Variants in ZNF568 observed in about 807,000 individuals in gnomAD.
ZNF568 encodes the protein zinc finger protein 568.
ZNF568 carries 11 observed loss-of-function variants against 18.1 expected under a neutral mutation model. The observed-to-expected ratio is 0.61, with a 90% confidence interval of 0.38 to 1.00. ZNF568 has a LOEUF of 1.00. Ranked by LOEUF, ZNF568 falls within the 50% of genes least tolerant of loss-of-function variation. The pLI is 0.01. For synonymous variants in ZNF568, 213 were observed against 246.6 expected, an observed-to-expected ratio of 0.86 and a Z score of 1.28; for missense variants, 639 against 768.2, an observed-to-expected ratio of 0.83 and a Z score of 1.99.
intron 4 of ZNF568, among the ~76,000 whole-genome samples, chr19:36,930,036 C>T (rs2073658246): frequency 1.3e-5 from 2 of 151,456 alleles, no homozygotes. Context: ...GTTCGAACCC[C>T]TATGTTTCTT....
At chr19:36,926,324 T>C (rs1489669716) in intron 4 of ZNF568, among the ~76,000 whole-genome samples, 1 of 152,218 alleles carries the variant, frequency 6.6e-6, no homozygotes, top group African/African-American at 2.4e-5. Context: ...TTTCTTCAGC[T>C]TATGTCTTTC....
intron 5 of ZNF568, 78 bp from the exon 6 acceptor site, chr19:36,937,069 C>A: frequency 6.8e-7 from 1 of 1,475,604 alleles, no homozygotes; most frequent in Non-Finnish European, 9.3e-7. Flanking sequence ...TATAAGCCCT[C>A]AAGCTTGGAC....
chr19:36,979,510 A>G (rs1287326952), exon 8 of ZNF568: 1 of 152,124 alleles, frequency 6.6e-6, no homozygotes, highest in African/African-American at 2.4e-5. Flanking sequence ...AGTCTTAACC[A>G]TATGTGTTTA....
chr19:36,953,999 C>T (rs768263662), downstream of ZNF568, among the ~76,000 whole-genome samples: 22 of 151,942 alleles, frequency 1.4e-4, no homozygotes, highest in Non-Finnish European at 2.4e-4. Context: ...CTAGGCGGGC[C>T]GATTACTTGA....
At chr19:36,927,124 AT>A (rs2073569257) in intron 4 of ZNF568, among the ~76,000 whole-genome samples, 1 of 152,102 alleles carries the variant, frequency 6.6e-6, no homozygotes, top group Admixed American at 6.6e-5. Context: ...TATGTTATTT[AT>A]TTTTTGTTGT....
downstream of ZNF568, chr19:36,997,412 G>T: frequency 6.3e-7 from 1 of 1,587,396 alleles, no homozygotes; most frequent in Non-Finnish European, 8.6e-7. Flanking sequence ...GCCTTTACTT[G>T]TAGCACAGAA....
rs2074046039 is a variant in ZNF568, at chr19:36,950,750, A to G, written c.1597A>G (p.Asn533Asp). 2 of 1,613,634 alleles carry G rather than the reference A, an allele frequency of 1.2e-6. No homozygotes were observed. The highest frequency in any genetic ancestry group is 2.7e-5 in the African/African-American group (2 of 74,936). The change falls in exon 7 of 7, where the codon AAT becomes GAT. Residue 533 changes from asparagine to aspartate, a missense_variant. Transcript: ENST00000333987. ...TACTGGAGAGAAACCTTATCATTGT[A>G]ATCAATGTGGGAAAGCTTTCAGTCA... ...IHTGEKPYHC[N>D]QCGKAFSQRQ...
exon 5 of ZNF568, chr19:36,997,214 A>G: frequency 6.2e-7 from 1 of 1,608,642 alleles, no homozygotes; most frequent in East Asian, 2.2e-5. Flanking sequence ...AAACCCCATG[A>G]ATGTAAGGAA....
intron 2 of ZNF568, among the ~76,000 whole-genome samples, chr19:36,917,941 T>C (rs1379302910): frequency 6.6e-6 from 1 of 152,064 alleles, no homozygotes; most frequent in Non-Finnish European, 1.5e-5. Context: ...GTTTTTGTTG[T>C]TGTTGTTGTT....
chr19:36,976,642 GGCTCAT>G (rs1446449284), intron 7 of ZNF568, among the ~76,000 whole-genome samples: 4 of 152,154 alleles, frequency 2.6e-5, no homozygotes, highest in African/African-American at 9.7e-5. Context: ...CGGGTGCGGT[GGCTCAT>G]GCCTGTAATC....
At chr19:36,971,741 G>A (rs1157141551) in intron 6 of ZNF568, among the ~76,000 whole-genome samples, 1 of 152,006 alleles carries the variant, frequency 6.6e-6, no homozygotes, top group East Asian at 1.9e-4. Flanking sequence ...GTTTCACCAT[G>A]TTGGCCAGGA....
At chr19:36,970,509 T>G (rs947927793) in intron 6 of ZNF568, among the ~76,000 whole-genome samples, 9 of 151,692 alleles carry the variant, frequency 5.9e-5, no homozygotes, top group African/African-American at 2.2e-4. Context: ...CACATCCGGC[T>G]AATCTTTGTA....
Position 36,937,208 on chromosome 19 carries a change from G to A in ZNF568, c.324G>A (p.Val108=). 1 of 1,614,064 alleles carries A rather than the reference G, an allele frequency of 6.2e-7. No homozygotes were observed. The highest frequency in any genetic ancestry group is 2.2e-5 in the East Asian group (1 of 44,866). Reference sequence around the variant, plus strand: ...TGGAGCAAGAAGAGGAGCCCTGGGTGATGGAGGAAGAAATGTTTGGGAGGC... The same window carrying A: ...TGGAGCAAGAAGAGGAGCCCTGGGTAATGGAGGAAGAAATGTTTGGGAGGC... ...FKLEQEEEPW[V]MEEEMFGRHC... Residue 108 remains valine (V), a synonymous_variant, in exon 6 of 7, where the codon GTG becomes GTA. Transcript: ENST00000333987.
At chr19:36,978,982 CT>C (rs750326116) in intron 7 of ZNF568, 16,905 of 258,710 alleles carry the variant, frequency 0.065, 18 homozygotes, top group South Asian at 0.1. Context: ...TTGTAACTAT[CT>C]TTTTTTTTTT....
At chr19:36,949,068 G>T (rs1331684030) in intron 6 of ZNF568, among the ~76,000 whole-genome samples, 1 of 151,792 alleles carries the variant, frequency 6.6e-6, no homozygotes, top group African/African-American at 2.4e-5. Context: ...TTTTTCTTAT[G>T]GATTTAACCC....
chr19:36,996,654 C>T, exon 5 of ZNF568: 1 of 1,535,064 alleles, frequency 6.5e-7, no homozygotes, highest in Non-Finnish European at 8.7e-7. Flanking sequence ...GTAGGAAAAT[C>T]TTTAATAGTG....
exon 5 of ZNF568, chr19:36,997,081 A>G (rs1233892489): frequency 6.4e-7 from 1 of 1,565,502 alleles, no homozygotes; most frequent in East Asian, 2.3e-5. Context: ...TCGTTATGAC[A>G]CACAGCTGAG....
chr19:36,922,759 G>A lies in ZNF568; in HGVS notation c.-12G>A, dbSNP rs1198753579. 6.2e-7 allele frequency: 1 copy of A among 1,613,240 alleles called. No homozygotes were observed. Among genetic ancestry groups the A allele is most frequent in the Non-Finnish European group, 8.5e-7 (1 of 1,179,458 alleles). ...TGTCTTGACCCTTCTGCCCAGAGCA[G>A]GCAGGGTCTGAATGACATCTCAATC... On this transcript the variant is annotated 5_prime_UTR_variant, in exon 3 of 7. Coordinates refer to ENST00000333987, the MANE Select transcript of ZNF568 (RefSeq NM_198539.4).
intron 4 of ZNF568, among the ~76,000 whole-genome samples, chr19:36,935,392 T>G (rs1209886495): frequency 2.0e-5 from 3 of 151,958 alleles, no homozygotes; most frequent in Non-Finnish European, 2.9e-5. Flanking sequence ...AAACCCCATC[T>G]CTACTAAAAA....
Sources: gnomAD v4.1 joint callset for allele counts (sites outside exome capture counted in the v4.1 genomes callset) on GRCh38, gnomAD v4.1.1 for gene constraint, MANE v1.5 for transcripts, NCBI Gene and HGNC (gene_info 2026-07-23, HGNC 2026-07-21) for gene names.